SUGCT: variants seen among roughly 807,000 people sequenced by gnomAD.
SUGCT encodes the protein succinyl-CoA:glutarate-CoA transferase.
In SUGCT, 41 loss-of-function variants were observed where a neutral mutation model predicts 55.0. That is an observed-to-expected ratio of 0.74 (90% CI 0.58 to 0.97). The LOEUF (loss-of-function observed/expected upper bound fraction) is 0.97, where lower values mean the gene tolerates loss of function less well. Ranked by LOEUF, SUGCT falls within the 50% of genes least tolerant of loss-of-function variation. SUGCT has a pLI of 0.00. For missense variants in SUGCT, 568 were observed against 547.8 expected (o/e 1.04, Z -0.37); for synonymous variants, 187 against 200.4 (o/e 0.93, Z 0.56).
At chr7:40,586,719 C>T (rs1028375059) in intron 12 of SUGCT, among the ~76,000 whole-genome samples, 3 of 152,174 alleles carry the variant, frequency 2.0e-5, no homozygotes, top group African/African-American at 7.2e-5. Flanking sequence ...CAACAATACT[C>T]TAACTCGAAG....
At chr7:41,022,088 T>C in the SUGCT span, among the ~76,000 whole-genome samples, 1 of 152,150 alleles carries the variant, frequency 6.6e-6, no homozygotes, top group Non-Finnish European at 1.5e-5. Flanking sequence ...TAATCAGTTC[T>C]GAGATGTAGA....
chr7:40,916,710 T>C, the SUGCT span, among the ~76,000 whole-genome samples: 1 of 152,208 alleles, frequency 6.6e-6, no homozygotes, highest in Non-Finnish European at 1.5e-5. Context: ...CATGTGTTTG[T>C]ATGTATGTGT....
chr7:40,188,702 A>T (rs1785702059), intron 4 of SUGCT, 122 bp downstream of exon 4: 8 of 570,654 alleles, frequency 1.4e-5, no homozygotes, highest in Non-Finnish European at 2.4e-5. Flanking sequence ...TAATATTTCA[A>T]ATAAATTAAA....
chr7:40,156,681 G>A (rs1783913202), intron 1 of SUGCT, among the ~76,000 whole-genome samples: 1 of 152,158 alleles, frequency 6.6e-6, no homozygotes, highest in Non-Finnish European at 1.5e-5. Context: ...GAAAGGGTTT[G>A]AAAGCCACTA....
At chr7:40,448,301 T>C (rs375882395) in intron 9 of SUGCT, among the ~76,000 whole-genome samples, 5 of 148,368 alleles carry the variant, frequency 3.4e-5, no homozygotes, top group African/African-American at 1.2e-4. Context: ...CTATCTATGC[T>C]TCTTACACTT....
At chr7:40,591,174 T>G (rs527792872) in intron 12 of SUGCT, among the ~76,000 whole-genome samples, 2 of 152,292 alleles carry the variant, frequency 1.3e-5, no homozygotes, top group African/African-American at 4.8e-5. Flanking sequence ...TTAAGAACAT[T>G]CGTGATTCAT....
chr7:40,366,739 GGC>G (rs1392737521), intron 9 of SUGCT, among the ~76,000 whole-genome samples: 1,554 of 151,482 alleles, frequency 0.01, 28 homozygotes, highest in African/African-American at 0.036. Flanking sequence ...CAGTTAGAAT[GGC>G]AGTCATTAAA....
At chr7:40,568,153 C>T (rs1172300085) in intron 12 of SUGCT, among the ~76,000 whole-genome samples, 1 of 152,168 alleles carries the variant, frequency 6.6e-6, no homozygotes, top group Admixed American at 6.5e-5. Flanking sequence ...CCAGAAAGAT[C>T]ATGTCTCTCT....
intron 12 of SUGCT, among the ~76,000 whole-genome samples, chr7:40,595,837 A>G (rs948382688): frequency 6.6e-6 from 1 of 152,198 alleles, no homozygotes; most frequent in Non-Finnish European, 1.5e-5. Flanking sequence ...TAGATTTTGT[A>G]TCAGTGGTTG....
intron 11 of SUGCT, among the ~76,000 whole-genome samples, chr7:40,484,643 T>C (rs1791234503): frequency 6.6e-6 from 1 of 152,216 alleles, no homozygotes; most frequent in South Asian, 2.1e-4. Flanking sequence ...TCTCTAAGCC[T>C]CAGTTTCCTA....
intron 12 of SUGCT, among the ~76,000 whole-genome samples, chr7:40,728,168 T>A (rs1786705285): frequency 6.6e-6 from 1 of 152,198 alleles, no homozygotes; most frequent in African/African-American, 2.4e-5. Context: ...ACCTTTACCT[T>A]CAAGGTAAAA....
intron 9 of SUGCT, among the ~76,000 whole-genome samples, chr7:40,379,864 A>G (rs116419635): frequency 0.01 from 1,526 of 152,294 alleles, 21 homozygotes; most frequent in African/African-American, 0.035. Flanking sequence ...CATGGGTCTC[A>G]TAGGTTAACA....
At chr7:40,601,542 C>T (rs1291367066) in intron 12 of SUGCT, among the ~76,000 whole-genome samples, 1 of 152,154 alleles carries the variant, frequency 6.6e-6, no homozygotes, top group Non-Finnish European at 1.5e-5. Context: ...GGTTCATTAC[C>T]ATGAAATTCC....
At chr7:40,473,791 C>T (rs1206816477) in intron 11 of SUGCT, among the ~76,000 whole-genome samples, 1 of 152,138 alleles carries the variant, frequency 6.6e-6, no homozygotes, top group Non-Finnish European at 1.5e-5. Context: ...GATATTATTG[C>T]AAATGGTCTA....
chr7:40,279,997 G>T (rs1792848017), intron 8 of SUGCT, among the ~76,000 whole-genome samples: 1 of 152,092 alleles, frequency 6.6e-6, no homozygotes, highest in Middle Eastern at 3.2e-3. Context: ...ATATTACATA[G>T]AATGATGAAT....
the SUGCT span, among the ~76,000 whole-genome samples, chr7:40,958,515 T>A: frequency 6.6e-6 from 1 of 151,880 alleles, no homozygotes; most frequent in African/African-American, 2.4e-5. Flanking sequence ...CTCCATCAGG[T>A]CATTTATGTT....
chr7:40,830,950 T>C (rs553683438), intron 13 of SUGCT, among the ~76,000 whole-genome samples: 51 of 152,342 alleles, frequency 3.3e-4, no homozygotes, highest in Admixed American at 1.7e-3. Context: ...GTCTGGTAAA[T>C]GCTGCTGAAG....
At chr7:40,689,092 T>G (rs924413685) in intron 12 of SUGCT, among the ~76,000 whole-genome samples, 1 of 152,208 alleles carries the variant, frequency 6.6e-6, no homozygotes, top group Non-Finnish European at 1.5e-5. Flanking sequence ...CAGACCCAAC[T>G]TAAAGTTTCT....
At chr7:40,795,117 T>G (rs17688285) in intron 13 of SUGCT, among the ~76,000 whole-genome samples, 47,525 of 151,912 alleles carry the variant, frequency 0.31, 7,888 homozygotes, top group South Asian at 0.44. Flanking sequence ...CCTTCTTGAA[T>G]AAATTGCATG....
Sources: allele counts gnomAD v4.1 joint callset (sites outside exome capture counted in the v4.1 genomes callset), GRCh38; gene constraint gnomAD v4.1.1; transcripts MANE v1.5; gene names NCBI Gene and HGNC (gene_info 2026-07-23, HGNC 2026-07-21).